USP9Y: variants seen among roughly 807,000 people sequenced by gnomAD.
The protein encoded by USP9Y is ubiquitin carboxyl-terminal hydrolase 9Y.
USP9Y carries 41 observed loss-of-function variants against 53.1 expected under a neutral mutation model. The observed-to-expected ratio is 0.77, with a 90% CI of 0.60 to 1.00. The LOEUF (loss-of-function observed/expected upper bound fraction) is 1.00, where lower values mean the gene tolerates loss of function less well. Among genes scored for constraint, USP9Y ranks in the 50% least tolerant of loss-of-function variants. USP9Y has a pLI of 0.00. For missense variants in USP9Y, 567 were observed against 535.8 expected (o/e 1.06, Z -0.58); for synonymous variants, 220 against 173.7 (o/e 1.27, Z -2.09).
At chrY:12,812,712 T>C (rs769380067) in intron 30 of USP9Y, 118 bp from the exon 31 acceptor site, 1 of 171,269 alleles carries the variant, frequency 5.8e-6, no homozygotes. Context: ...TGTTTTGAGA[T>C]ATAATGAGAT....
intron 15 of USP9Y, among the ~76,000 whole-genome samples, chrY:12,767,796 T>C: frequency 2.1e-4 from 7 of 32,855 alleles, no homozygotes; most frequent in African/African-American, 8.4e-4. Context: ...GGTCCTCTGG[T>C]GTCATTCATT....
At chrY:12,735,551 T>C in intron 7 of USP9Y, 61 bp from the exon 8 acceptor site, 1 of 237,035 alleles carries the variant, frequency 4.2e-6, no homozygotes, top group Admixed American at 9.4e-5. Context: ...CAAATGCGTT[T>C]CAAATAGTAA....
intron 42 of USP9Y, among the ~76,000 whole-genome samples, chrY:12,855,231 A>C (rs1569393314): frequency 2.9e-5 from 1 of 34,253 alleles, no homozygotes; most frequent in East Asian, 7.6e-4. Context: ...CAAAAGAAAG[A>C]AAGCATATAT....
Position 12,706,453 on chromosome Y carries a change from CTG to C in USP9Y, c.-120-2180_-120-2179del, listed in dbSNP as rs2053419322. Among the ~76,000 whole-genome samples, 3 of 33,008 alleles carry C rather than the reference CTG, an allele frequency of 9.1e-5. No individual in the cohort carries two copies. The East Asian group carries it at 2.3e-3, about 26-fold the overall frequency. 88.6% of individuals were successfully genotyped at this position (33,008 alleles called of 37,273 possible). A position where few individuals can be genotyped will look rare whatever the true frequency, so the allele number is the denominator to read the frequency against. ...TAAGAAAAGTGAATCCAGGAAGAAA[CTG>C]AGAAAAATTGAGAGAAGATTAGAGC... is the stretch of plus-strand genomic sequence containing the variant. On this transcript the variant is annotated intron_variant, in intron 1 of 45. Coordinates refer to ENST00000338981, the MANE Select transcript of USP9Y (RefSeq NM_004654.4).
chrY:12,833,755 G>A lies in USP9Y; in HGVS notation c.5089G>A (p.Asp1697Asn). 2.5e-6 allele frequency: 1 copy of A among 397,904 alleles called. No homozygotes were observed. Residue 1697 changes from aspartate to asparagine, a missense_variant, in exon 34 of 46, where the codon GAT (aspartate) becomes AAT (asparagine). Physicochemically the swap from Asp to Asn is conservative, Grantham distance 23. Transcript: ENST00000338981. ...CTTAGAGTTTTTTAATTCTTTGGTG[G>A]ATAGTTTAGATGAAGCTTTAAAAGC... is the stretch of plus-strand genomic sequence containing the variant. ...DALEFFNSLV[D>N]SLDEALKALG...
chrY:12,715,723 A>G, intron 3 of USP9Y, among the ~76,000 whole-genome samples: 1 of 33,060 alleles, frequency 3.0e-5, no homozygotes, highest in African/African-American at 1.2e-4. Flanking sequence ...GAGGTTTAAG[A>G]TCTACTCAGA....
intron 22 of USP9Y, among the ~76,000 whole-genome samples, chrY:12,781,725 A>C: frequency 3.0e-5 from 1 of 33,728 alleles, no homozygotes; most frequent in Admixed American, 2.7e-4. Flanking sequence ...CATGTGAAGC[A>C]AGTTCATCTC....
intron 27 of USP9Y, among the ~76,000 whole-genome samples, chrY:12,795,032 A>T (rs2053511818): frequency 3.0e-5 from 1 of 33,662 alleles, no homozygotes; most frequent in Non-Finnish European, 7.4e-5. Flanking sequence ...TTGCCTCTTA[A>T]CAGTATTAAG....
At chrY:12,851,805 G>A in intron 42 of USP9Y, among the ~76,000 whole-genome samples, 1 of 33,394 alleles carries the variant, frequency 3.0e-5, no homozygotes, top group African/African-American at 1.2e-4. Flanking sequence ...TGAAATTCTG[G>A]GTTGAAAATT....
At chrY:12,836,771 C>T in intron 34 of USP9Y, among the ~76,000 whole-genome samples, 1 of 33,444 alleles carries the variant, frequency 3.0e-5, no homozygotes, top group African/African-American at 1.2e-4. Flanking sequence ...AATCTCAGCT[C>T]ACTGCAACTT....
At chrY:12,802,495 G>A in intron 27 of USP9Y, 1 of 34,422 alleles carries the variant, frequency 2.9e-5, no homozygotes, top group Admixed American at 2.6e-4. Context: ...TGAGTAGCAG[G>A]AGCTTGCTGT....
intron 22 of USP9Y, among the ~76,000 whole-genome samples, chrY:12,781,084 C>A: frequency 3.1e-5 from 1 of 32,455 alleles, no homozygotes; most frequent in African/African-American, 1.2e-4. Flanking sequence ...TATAGATGTG[C>A]CTTGGAGATA....
chrY:12,755,103 C>A, intron 12 of USP9Y, among the ~76,000 whole-genome samples: 1 of 30,302 alleles, frequency 3.3e-5, no homozygotes, highest in Admixed American at 3.0e-4. Context: ...TTTCTACTTT[C>A]CTTTAATGTT....
At chrY:12,734,150 G>C (rs1192182281) in intron 7 of USP9Y, among the ~76,000 whole-genome samples, 1 of 33,586 alleles carries the variant, frequency 3.0e-5, no homozygotes, top group Admixed American at 2.7e-4. Context: ...TAATTCCCTT[G>C]GAGACTTCAC....
At chrY:12,858,305 A>G (rs2053579627) in intron 45 of USP9Y, among the ~76,000 whole-genome samples, 1 of 32,060 alleles carries the variant, frequency 3.1e-5, no homozygotes. Context: ...GTCACTCTAC[A>G]GGGCTATCGT....
At chrY:12,825,888 A>C (rs1603202586) in intron 33 of USP9Y, among the ~76,000 whole-genome samples, 1 of 16,382 alleles carries the variant, frequency 6.1e-5, no homozygotes, top group African/African-American at 3.1e-4. Flanking sequence ...TAAACAGTAT[A>C]TTTTCTTTTC....
At chrY:12,818,263 G>A in intron 32 of USP9Y, among the ~76,000 whole-genome samples, 157 bp from the exon 33 acceptor site, 1 of 33,093 alleles carries the variant, frequency 3.0e-5, no homozygotes, top group Admixed American at 2.8e-4. Context: ...ACCCATCTGT[G>A]AAATGAGCAC....
chrY:12,773,678 G>A lies in USP9Y; in HGVS notation c.2084G>A (p.Arg695His), dbSNP rs1479990628. 2 of 398,550 alleles carry A rather than the reference G, an allele frequency of 5.0e-6. No individual in the cohort carries two copies. Among genetic ancestry groups the A allele is most frequent in the South Asian group, 3.0e-5 (1 of 33,780 alleles). ...LAENAVYLCD[R>H]EACFKWYSKL... ...GAAAATGCAGTTTATCTTTGTGATC[G>A]TGAAGCCTGTTTTAAGTGGTATTCC... The change falls in exon 17 of 46, where the codon CGT becomes CAT. Residue 695 changes from arginine to histidine, a missense_variant. Coordinates refer to ENST00000338981, the MANE Select transcript of USP9Y (RefSeq NM_004654.4).
chrY:12,753,710 C>T (rs2053465967), intron 12 of USP9Y, among the ~76,000 whole-genome samples: 1 of 32,695 alleles, frequency 3.1e-5, no homozygotes, highest in Admixed American at 2.8e-4. Flanking sequence ...TCTAGTGTTC[C>T]GTATTGTTTT....
Sources: gnomAD v4.1 joint callset for allele counts (sites outside exome capture counted in the v4.1 genomes callset) on GRCh38, gnomAD v4.1.1 for gene constraint, MANE v1.5 for transcripts, NCBI Gene and HGNC (gene_info 2026-07-23, HGNC 2026-07-21) for gene names.